Variants in RC3H2 observed in about 807,000 individuals in gnomAD.
RC3H2 encodes roquin-2.
Under a neutral mutation model 133.3 loss-of-function variants are expected in RC3H2, and 31 were observed. The ratio of observed to expected loss-of-function variants is 0.23; its 90% CI spans 0.17 to 0.31. The LOEUF (loss-of-function observed/expected upper bound fraction) is 0.31, where lower values mean the gene tolerates loss of function less well. Ranked by LOEUF, RC3H2 falls within the 10% of genes least tolerant of loss-of-function variation. RC3H2 has a pLI of 1.00. For missense variants in RC3H2, 1,175 were observed against 1,437.2 expected (o/e 0.82, Z 2.95); for synonymous variants, 517 against 502.2 (o/e 1.03, Z -0.40).
intron 8 of RC3H2, among the ~76,000 whole-genome samples, chr9:122,878,219 A>G (rs913350442): frequency 1.5e-4 from 23 of 152,194 alleles, no homozygotes; most frequent in Admixed American, 1.4e-3. Context: ...AGAAGAGTAC[A>G]AAGTGTAGGT....
rs1156999474 is a variant in RC3H2 at position 122,845,184 on chromosome 9, T to G, written c.*4443A>C. On this transcript the variant is annotated 3_prime_UTR_variant, in exon 21 of 21. Transcript: ENST00000357244. ...CCCAAACTTTCCAGCTAAGCAAATTTATAAAATGTAATCAATGCAACAAGA... is the reference window on the plus strand; with the variant it reads ...CCCAAACTTTCCAGCTAAGCAAATTGATAAAATGTAATCAATGCAACAAGA... The G allele has an allele frequency of 6.6e-6, 1 of 152,222 alleles. No homozygotes were observed. The highest frequency in any genetic ancestry group is 1.9e-4 in the East Asian group (1 of 5,200). The allele number at this position is 152,222 out of a possible 1,614,324, so 9.4% of individuals were successfully genotyped here. A position where few individuals can be genotyped will look rare whatever the true frequency, so the allele number is the denominator to read the frequency against.
chr9:122,850,986 C>G, intron 20 of RC3H2, 95 bp downstream of exon 20: 2 of 1,328,088 alleles, frequency 1.5e-6, no homozygotes, highest in Middle Eastern at 1.8e-4. Flanking sequence ...ATAAGGTCTT[C>G]CCCTCACAGC....
rs1419049860 is a variant in RC3H2, at chr9:122,879,681, A to G, written c.1212+74T>C. The G allele has an allele frequency of 3.9e-6, 4 of 1,015,402 alleles. No individual in the cohort carries two copies. The Admixed American group carries it at 6.8e-5, about 17-fold the overall frequency. The allele number at this position is 1,015,402 out of a possible 1,614,324, so 62.9% of individuals were successfully genotyped here. ...TCACATACGGAGTCCAATTAACAAA[A>G]CAGCTGGTTAAGATGTTCAGGATGA... On this transcript the variant is annotated intron_variant, in intron 8 of 20. Coordinates refer to ENST00000357244, the MANE Select transcript of RC3H2 (RefSeq NM_001100588.3).
At chr9:122,898,209 T>C (rs1832501786) in intron 1 of RC3H2, 1 of 152,224 alleles carries the variant, frequency 6.6e-6, no homozygotes, top group African/African-American at 2.4e-5. Flanking sequence ...GAAAGACTAA[T>C]GCTGACCACA....
chr9:122,851,683 G>A (rs1003233291), intron 18 of RC3H2: 13 of 433,048 alleles, frequency 3.0e-5, no homozygotes, highest in South Asian at 1.2e-4. Flanking sequence ...TTTTTTGGTG[G>A]AGACGGGGTT....
chr9:122,884,230 T>G lies in RC3H2; in HGVS notation c.584-851A>C, dbSNP rs1356055155. ...ATGGCATGAACCTGGGAGGTGGAGCTTGCAGTGAGCCGAGATCGTGCCACC... is the reference window on the plus strand; with the variant it reads ...ATGGCATGAACCTGGGAGGTGGAGCGTGCAGTGAGCCGAGATCGTGCCACC... On this transcript the variant is annotated intron_variant, in intron 4 of 20. Transcript: ENST00000357244. Among the ~76,000 whole-genome samples, 4 of 151,868 alleles carry G rather than the reference T, an allele frequency of 2.6e-5. No homozygotes were observed. In the East Asian group the frequency reaches 7.8e-4, roughly 30 times the overall value.
At chr9:122,885,039 G>T (rs964203957) in intron 4 of RC3H2, among the ~76,000 whole-genome samples, 1 of 151,914 alleles carries the variant, frequency 6.6e-6, no homozygotes, top group Non-Finnish European at 1.5e-5. Flanking sequence ...TACTATAAAA[G>T]ATATTTTTGG....
chr9:122,895,137 G>A (rs1485948158), intron 2 of RC3H2, among the ~76,000 whole-genome samples: 1 of 151,498 alleles, frequency 6.6e-6, no homozygotes, highest in Admixed American at 6.6e-5. Context: ...ACCTATAGCA[G>A]ATGCTAAATA....
Position 122,881,072 on chromosome 9 carries a change from T to C in RC3H2, c.760-278A>G, listed in dbSNP as rs112912533. 4.4e-3 allele frequency among the ~76,000 whole-genome samples: 665 copies of C among 152,280 alleles called. 1 individual carries two copies. The highest frequency in any genetic ancestry group is 0.01 in the Middle Eastern group (3 of 294). ...TTATAGTAAAAGTTATAAGGCTTGA[T>C]GGCAACAAAGAGGAAAGGGAATTAA... On this transcript the variant is annotated intron_variant, in intron 5 of 20. Coordinates refer to ENST00000357244, the MANE Select transcript of RC3H2 (RefSeq NM_001100588.3).
At chr9:122,892,110 TA>T (rs1159263253) in intron 3 of RC3H2, among the ~76,000 whole-genome samples, 1 of 151,842 alleles carries the variant, frequency 6.6e-6, no homozygotes, top group African/African-American at 2.4e-5. Context: ...GTGACTCTGG[TA>T]AATTTTTTTT....
intron 12 of RC3H2, 82 bp from the exon 13 acceptor site, chr9:122,858,175 T>G (rs1830323262): frequency 7.7e-7 from 1 of 1,304,344 alleles, no homozygotes; most frequent in South Asian, 1.4e-5. Context: ...TGTAAACAGT[T>G]TATGATATTG....
intron 9 of RC3H2, chr9:122,875,288 T>C (rs1564301891): frequency 2.6e-6 from 4 of 1,550,536 alleles, no homozygotes; most frequent in African/African-American, 1.4e-5. Flanking sequence ...CTGCTGCTTG[T>C]AGAGCTCATT....
At chr9:122,899,468 G>C (rs538242111) in intron 1 of RC3H2, among the ~76,000 whole-genome samples, 63 of 152,178 alleles carry the variant, frequency 4.1e-4, no homozygotes, top group African/African-American at 1.5e-3. Context: ...TATGTAAAAA[G>C]CACCCCTATA....
chr9:122,895,355 A>G (rs1832374186), intron 2 of RC3H2, among the ~76,000 whole-genome samples: 2 of 151,136 alleles, frequency 1.3e-5, no homozygotes, highest in African/African-American at 4.8e-5. Flanking sequence ...TTTTGTAGAG[A>G]TGGGGTTTCG....
intron 9 of RC3H2, chr9:122,874,575 T>C (rs931741560): frequency 1.3e-5 from 2 of 152,262 alleles, no homozygotes; most frequent in Admixed American, 1.3e-4. Context: ...TGGAATACAG[T>C]GGTATAATCT....
intron 13 of RC3H2, 138 bp from the exon 14 acceptor site, chr9:122,856,016 A>T (rs1830235485): frequency 9.4e-6 from 6 of 635,442 alleles, no homozygotes; most frequent in Non-Finnish European, 1.5e-5. Flanking sequence ...TAATATAAAA[A>T]ACTGTAATAA....
intron 18 of RC3H2, among the ~76,000 whole-genome samples, chr9:122,852,922 G>A (rs1281060651): frequency 1.3e-5 from 2 of 152,230 alleles, no homozygotes; most frequent in Non-Finnish European, 2.9e-5. Flanking sequence ...TGACAATGGC[G>A]GTTTTGTGGA....
rs1659223314 is a variant in RC3H2 at position 122,883,698 on chromosome 9, T to C, written c.584-319A>G. On this transcript the variant is annotated intron_variant, in intron 4 of 20. Coordinates refer to ENST00000357244, the MANE Select transcript of RC3H2 (RefSeq NM_001100588.3). ...TAAAAAAAGTCATTTATAAAACACATAGCTGGGTGTGGTGGTTCATGCCTG... is the reference window on the plus strand; with the variant it reads ...TAAAAAAAGTCATTTATAAAACACACAGCTGGGTGTGGTGGTTCATGCCTG... Among the ~76,000 whole-genome samples the C allele has an allele frequency of 2.0e-5, 3 of 152,274 alleles. No individual in the cohort carries two copies. In the South Asian group the frequency reaches 6.2e-4, roughly 32 times the overall value.
At chr9:122,895,223 G>C (rs1433306169) in intron 2 of RC3H2, among the ~76,000 whole-genome samples, 2 of 150,724 alleles carry the variant, frequency 1.3e-5, no homozygotes, top group Admixed American at 6.6e-5. Context: ...GCAGTGGCAC[G>C]ATCTTGGCTC....
Sources: allele counts gnomAD v4.1 joint callset (sites outside exome capture counted in the v4.1 genomes callset), GRCh38; gene constraint gnomAD v4.1.1; transcripts MANE v1.5; gene names NCBI Gene and HGNC (gene_info 2026-07-23, HGNC 2026-07-21).